The following SPATA17 variants were observed in gnomAD, a reference collection of about 807,000 sequenced individuals.
SPATA17 encodes spermatogenesis-associated protein 17.
SPATA17 carries 53 observed loss-of-function variants against 62.2 expected under a neutral mutation model. The observed-to-expected ratio is 0.85, with a 90% CI of 0.68 to 1.07. The LOEUF is 1.07. Ranked by LOEUF, SPATA17 falls within the 50% of genes least tolerant of loss-of-function variation. The pLI is 0.00. For synonymous variants in SPATA17, 146 were observed against 146.8 expected, an observed-to-expected ratio of 0.99 and a Z score of 0.04; for missense variants, 466 against 425.5, an observed-to-expected ratio of 1.10 and a Z score of -0.84.
At chr1:217,648,234 A>G (rs1670234208) in intron 1 of SPATA17, among the ~76,000 whole-genome samples, 1 of 150,886 alleles carries the variant, frequency 6.6e-6, no homozygotes. Context: ...TGTGGTTTTT[A>G]CAGTTTATTT....
intron 6 of SPATA17, among the ~76,000 whole-genome samples, chr1:217,758,201 A>G (rs928757386): frequency 2.0e-5 from 3 of 152,320 alleles, no homozygotes; most frequent in Middle Eastern, 6.8e-3. Context: ...CACATATCCT[A>G]TGAGATAGAC....
At chr1:217,801,883 C>A (rs1159309333) in intron 9 of SPATA17, 33 bp downstream of exon 9, 2 of 1,569,900 alleles carry the variant, frequency 1.3e-6, no homozygotes, top group Non-Finnish European at 1.7e-6. Context: ...AAAGTTATTC[C>A]TTTTTAAAAG....
intron 5 of SPATA17, among the ~76,000 whole-genome samples, chr1:217,709,165 A>G (rs977978473): frequency 6.6e-6 from 1 of 152,146 alleles, no homozygotes; most frequent in African/African-American, 2.4e-5. Context: ...TCTGTTTTTC[A>G]GTGAAAATCA....
chr1:217,761,626 T>C (rs565039762), intron 6 of SPATA17, among the ~76,000 whole-genome samples: 1 of 152,052 alleles, frequency 6.6e-6, no homozygotes, highest in South Asian at 2.1e-4. Context: ...AGGTAGAGGG[T>C]GGACTAGGGG....
chr1:217,637,789 C>A (rs925824951), intron 1 of SPATA17, among the ~76,000 whole-genome samples: 3 of 152,026 alleles, frequency 2.0e-5, no homozygotes, highest in Admixed American at 2.0e-4. Context: ...CAATTCTGAC[C>A]AATAAAACTT....
At chr1:217,847,742 A>G (rs1285801599) in intron 9 of SPATA17, among the ~76,000 whole-genome samples, 2 of 152,210 alleles carry the variant, frequency 1.3e-5, no homozygotes, top group African/African-American at 4.8e-5. Context: ...CATATTTTGT[A>G]TAAATGACAT....
At chr1:217,841,820 C>T (rs939796706) in intron 9 of SPATA17, among the ~76,000 whole-genome samples, 2 of 150,814 alleles carry the variant, frequency 1.3e-5, no homozygotes, top group Non-Finnish European at 3.0e-5. Flanking sequence ...TAAATTAAAT[C>T]TGATATACAT....
In SPATA17 at chr1:217,859,661, C is replaced by T. The variant is rs114820184; in HGVS notation, c.1006-3113C>T. 7.7e-3 allele frequency among the ~76,000 whole-genome samples: 1,166 copies of T among 152,278 alleles called. 18 individuals are homozygous for T. The highest frequency in any genetic ancestry group is 0.026 in the African/African-American group (1,080 of 41,568). On this transcript the variant is annotated intron_variant, in intron 9 of 10. Coordinates refer to ENST00000366933, the MANE Select transcript of SPATA17 (RefSeq NM_138796.4). ...AGCTAAAACAACCCTCCCACCTTGG[C>T]CTCCTGAAGTGCTGGATTATAGGCA...
chr1:217,668,908 T>C (rs930045724), intron 3 of SPATA17, 125 bp from the exon 4 acceptor site: 2 of 848,440 alleles, frequency 2.4e-6, no homozygotes, highest in Non-Finnish European at 3.7e-6. Flanking sequence ...TTTGATTTCA[T>C]TTTTCTAAGG....
chr1:217,795,196 G>T (rs1374189180), intron 8 of SPATA17, among the ~76,000 whole-genome samples: 1 of 151,962 alleles, frequency 6.6e-6, no homozygotes, highest in African/African-American at 2.4e-5. Context: ...GGGCTTCTCA[G>T]TCTTAAATAT....
At position 217,782,376 on chromosome 1, in the gene SPATA17, T is replaced by C; in HGVS notation, c.872+54T>C. The C allele has an allele frequency of 2.0e-6, 3 of 1,507,168 alleles. No homozygotes were observed. In the South Asian group the frequency reaches 4.1e-5, roughly 20 times the overall value. 93.4% of individuals were successfully genotyped at this position (1,507,168 alleles called of 1,614,324 possible). A position where few individuals can be genotyped will look rare whatever the true frequency, so the allele number is the denominator to read the frequency against. On this transcript the variant is annotated intron_variant, in intron 8 of 10. Transcript: ENST00000366933. ...GTGACATATTTGGTGCCTTAAATTT[T>C]CTAATTTTTTTATTTTCTAATACTG...
intron 9 of SPATA17, among the ~76,000 whole-genome samples, chr1:217,846,393 A>C (rs190015829): frequency 1.3e-5 from 2 of 152,112 alleles, no homozygotes; most frequent in Non-Finnish European, 2.9e-5. Context: ...TTTCAATATG[A>C]AACAATTCTT....
intron 9 of SPATA17, among the ~76,000 whole-genome samples, chr1:217,850,839 C>T (rs775119514): frequency 6.6e-6 from 1 of 151,944 alleles, no homozygotes; most frequent in Non-Finnish European, 1.5e-5. Flanking sequence ...GGAACCTTAC[C>T]ATCTAGTGGA....
At chr1:217,800,639 T>A (rs1201540359) in intron 8 of SPATA17, among the ~76,000 whole-genome samples, 2 of 152,214 alleles carry the variant, frequency 1.3e-5, no homozygotes, top group Non-Finnish European at 2.9e-5. Flanking sequence ...GTAGATTTAG[T>A]TCCTGAGCTT....
At chr1:217,631,518 T>G (rs771407378) in intron 1 of SPATA17, 72 bp downstream of exon 1, 13 of 1,507,516 alleles carry the variant, frequency 8.6e-6, no homozygotes, top group African/African-American at 2.7e-5. Flanking sequence ...AGCGGGAGTT[T>G]CCAATTAACG....
intron 6 of SPATA17, 125 bp downstream of exon 6, chr1:217,742,223 T>C: frequency 7.8e-7 from 1 of 1,287,090 alleles, no homozygotes. Flanking sequence ...TACTTCGAGT[T>C]CAATTTCGTG....
intron 9 of SPATA17, chr1:217,850,567 T>C (rs1675627068): frequency 6.3e-7 from 1 of 1,595,434 alleles, no homozygotes; most frequent in Non-Finnish European, 8.6e-7. Context: ...ACATTTTCGA[T>C]GGTGTCACTG....
intron 6 of SPATA17, among the ~76,000 whole-genome samples, chr1:217,750,004 T>TATATATATATATATATATATAG (rs1672868955): frequency 7.8e-6 from 1 of 127,538 alleles, no homozygotes; most frequent in Non-Finnish European, 1.7e-5. Flanking sequence ...TATATATATA[T>TATATATATATATATATATATAG]ATATATATGA....
rs1676053603 is a variant in SPATA17, at chr1:217,868,057, T to C, written c.*1038T>C. On this transcript the variant is annotated 3_prime_UTR_variant, in exon 11 of 11. Coordinates refer to ENST00000366933, the MANE Select transcript of SPATA17 (RefSeq NM_138796.4). Reference sequence around the variant, plus strand: ...AACTGAGGGGAAAAAAAGGAACCTATTAAAAAGACATTATCTATCAATCAC... The same window carrying C: ...AACTGAGGGGAAAAAAAGGAACCTACTAAAAAGACATTATCTATCAATCAC... 6.6e-6 allele frequency: 1 copy of C among 152,150 alleles called. No homozygotes were observed. Among genetic ancestry groups the C allele is most frequent in the Non-Finnish European group, 1.5e-5 (1 of 68,010 alleles). The allele number at this position is 152,150 out of a possible 1,614,324, so 9.4% of individuals were successfully genotyped here. A position where few individuals can be genotyped will look rare whatever the true frequency, so the allele number is the denominator to read the frequency against.
Sources: allele counts gnomAD v4.1 joint callset (sites outside exome capture counted in the v4.1 genomes callset), GRCh38; gene constraint gnomAD v4.1.1; transcripts MANE v1.5; gene names NCBI Gene and HGNC (gene_info 2026-07-23, HGNC 2026-07-21).